Variants in LAMA2 observed in about 807,000 individuals in gnomAD.
The protein encoded by LAMA2 is laminin subunit alpha-2.
A neutral mutation model predicts 364.8 loss-of-function variants in LAMA2; 269 were observed. That is an observed-to-expected ratio of 0.74 (90% CI 0.67 to 0.82). The LOEUF (loss-of-function observed/expected upper bound fraction) is 0.82. Ranked by LOEUF, LAMA2 falls within the 40% of genes least tolerant of loss-of-function variation. LAMA2 has a pLI of 0.00. For missense variants in LAMA2, 3,807 were observed against 3,873.2 expected, an observed-to-expected ratio of 0.98 and a Z score of 0.45; for synonymous variants, 1,379 against 1,370.6, an observed-to-expected ratio of 1.01 and a Z score of -0.14.
intron 1 of LAMA2, among the ~76,000 whole-genome samples, chr6:128,991,801 T>G (rs773686617): frequency 1.9e-4 from 29 of 152,190 alleles, no homozygotes; most frequent in Non-Finnish European, 4.3e-4. Context: ...TATGTGCCCC[T>G]GACATCTGTA....
At chr6:129,514,229 A>T (rs1290600801) in intron 63 of LAMA2, 144 bp from the exon 64 acceptor site, 20 of 706,014 alleles carry the variant, frequency 2.8e-5, no homozygotes, top group East Asian at 2.5e-4. Context: ...AAGTTTTAAA[A>T]TTTTTTTCAA....
chr6:129,213,133 G>T (rs140348723), intron 12 of LAMA2, among the ~76,000 whole-genome samples: 2 of 152,176 alleles, frequency 1.3e-5, no homozygotes, highest in African/African-American at 4.8e-5. Context: ...ACAATGTGTT[G>T]TCTTTTCAGG....
At chr6:129,165,729 A>G (rs1412887057) in intron 9 of LAMA2, 54 bp downstream of exon 9, 1 of 1,020,950 alleles carries the variant, frequency 9.8e-7, no homozygotes, top group Non-Finnish European at 1.5e-6. Flanking sequence ...CTAAAAGCCA[A>G]ATATGATTAT....
intron 40 of LAMA2, among the ~76,000 whole-genome samples, chr6:129,415,837 C>T (rs985136523): frequency 6.6e-5 from 10 of 151,950 alleles, no homozygotes; most frequent in South Asian, 2.1e-4. Context: ...CAGAGCAAGA[C>T]CTTATCTCAC....
intron 1 of LAMA2, among the ~76,000 whole-genome samples, chr6:128,891,908 G>A (rs111287890): frequency 2.0e-4 from 31 of 151,954 alleles, no homozygotes; most frequent in Non-Finnish European, 3.8e-4. Context: ...CGTAGAAAAC[G>A]TATGGACTTA....
At chr6:129,360,106 A>T (rs1297760786) in intron 32 of LAMA2, among the ~76,000 whole-genome samples, 1 of 152,114 alleles carries the variant, frequency 6.6e-6, no homozygotes, top group Non-Finnish European at 1.5e-5. Flanking sequence ...TTTAGGCAGG[A>T]TTTCACTTTG....
intron 1 of LAMA2, among the ~76,000 whole-genome samples, chr6:129,038,715 A>G (rs144943596): frequency 6.6e-6 from 1 of 152,298 alleles, no homozygotes; most frequent in African/African-American, 2.4e-5. Context: ...TACATGCCCT[A>G]ACTGCTATAG....
rs181887961 is a variant in LAMA2 at position 129,141,152 on chromosome 6, A to G, written c.640-2749A>G. ...TTGGGGACAGTCAAGAGAGAATTTG[A>G]TAGAAATGTAAGCCTGAGTTCAATG... On this transcript the variant is annotated intron_variant, in intron 4 of 64. Coordinates refer to ENST00000421865, the MANE Select transcript of LAMA2 (RefSeq NM_000426.4). Among the ~76,000 whole-genome samples, 916 of 152,124 alleles carry G rather than the reference A, an allele frequency of 6.0e-3. 3 individuals carry two copies. Among genetic ancestry groups the G allele is most frequent in the Non-Finnish European group, 8.0e-3 (545 of 67,958 alleles).
chr6:128,951,703 C>T (rs540178883), intron 1 of LAMA2, among the ~76,000 whole-genome samples: 1 of 152,264 alleles, frequency 6.6e-6, no homozygotes, highest in East Asian at 1.9e-4. Context: ...GAGGCAAAAG[C>T]TTCTTATTGT....
intron 1 of LAMA2, among the ~76,000 whole-genome samples, chr6:129,048,604 TTCTC>T (rs59707849): frequency 0.91 from 120,495 of 133,128 alleles, 55,269 homozygotes; most frequent in East Asian, 0.97. Flanking sequence ...CTTCCTTCCT[TTCTC>T]TCTCTCTCTC....
chr6:129,413,891 C>T (rs547823165), intron 40 of LAMA2, among the ~76,000 whole-genome samples: 6 of 152,062 alleles, frequency 3.9e-5, no homozygotes, highest in Admixed American at 3.3e-4. Flanking sequence ...AAAATAAAAG[C>T]AGAAATTAAT....
chr6:129,281,098 G>A (rs145671919), intron 18 of LAMA2, among the ~76,000 whole-genome samples: 196 of 152,128 alleles, frequency 1.3e-3, no homozygotes, highest in African/African-American at 4.4e-3. Flanking sequence ...ACAGTTCCTA[G>A]CAGCAACAAG....
chr6:129,227,728 G>T (rs112468479), intron 12 of LAMA2, among the ~76,000 whole-genome samples: 161 of 152,316 alleles, frequency 1.1e-3, no homozygotes, highest in African/African-American at 3.5e-3. Flanking sequence ...TGGGATGTCA[G>T]TCTGCCCCTA....
rs571765758 is a variant in LAMA2, at chr6:128,959,872, G to A, written c.112+76515G>A. ...TTGAAAAAATGTAGATTCCATGATC[G>A]TATAAAATTTTTATTACTTTAAAAA... On this transcript the variant is annotated intron_variant, in intron 1 of 64. Transcript: ENST00000421865. Among the ~76,000 whole-genome samples, 272 of 151,658 alleles carry A rather than the reference G, an allele frequency of 1.8e-3. 1 individual carries two copies. The highest frequency in any genetic ancestry group is 6.3e-3 in the African/African-American group (260 of 41,390).
chr6:129,217,748 A>T (rs1290957340), intron 12 of LAMA2, among the ~76,000 whole-genome samples: 1 of 152,192 alleles, frequency 6.6e-6, no homozygotes, highest in East Asian at 1.9e-4. Context: ...AATTAAACAA[A>T]TATCAGAGTT....
At chr6:128,918,224 A>G (rs1309773632) in intron 1 of LAMA2, among the ~76,000 whole-genome samples, 1 of 152,198 alleles carries the variant, frequency 6.6e-6, no homozygotes, top group African/African-American at 2.4e-5. Context: ...AAACACTGGT[A>G]ACATTACTTT....
At chr6:128,914,809 TA>T (rs1778210572) in intron 1 of LAMA2, among the ~76,000 whole-genome samples, 2 of 152,204 alleles carry the variant, frequency 1.3e-5, no homozygotes, top group African/African-American at 2.4e-5. Flanking sequence ...GGTTGATCAT[TA>T]TTGGGTTCAT....
At chr6:129,042,914 A>G (rs1407761185) in intron 1 of LAMA2, among the ~76,000 whole-genome samples, 1 of 152,104 alleles carries the variant, frequency 6.6e-6, no homozygotes. Flanking sequence ...CATTTCCCCC[A>G]TTCATGGAAA....
At chr6:129,321,358 T>G (rs956428023) in intron 28 of LAMA2, among the ~76,000 whole-genome samples, 1 of 152,158 alleles carries the variant, frequency 6.6e-6, no homozygotes, top group Non-Finnish European at 1.5e-5. Context: ...ACAGTAAGCC[T>G]GAGACCCTGC....
Sources: allele counts gnomAD v4.1 joint callset (sites outside exome capture counted in the v4.1 genomes callset), GRCh38; gene constraint gnomAD v4.1.1; transcripts MANE v1.5; gene names NCBI Gene and HGNC (gene_info 2026-07-23, HGNC 2026-07-21).